The following TENM1 variants were observed in gnomAD, a reference collection of about 807,000 sequenced individuals.
TENM1 encodes teneurin transmembrane protein 1, also known as teneurin-1.
TENM1 carries 35 observed loss-of-function variants against 174.8 expected under a neutral mutation model. That is an observed-to-expected ratio of 0.20 (90% CI 0.15 to 0.27). TENM1 has a LOEUF of 0.27. TENM1 is among the 10% of genes least tolerant of loss of function. The probability of loss-of-function intolerance (pLI) is 1.00; values close to 1 mark genes in which losing one functional copy is unlikely to be tolerated. For synonymous variants in TENM1, 781 were observed against 798.7 expected, an observed-to-expected ratio of 0.98 and a Z score of 0.37; for missense variants, 1,633 against 2,130.1, an observed-to-expected ratio of 0.77 and a Z score of 4.59.
chrX:124,444,392 A>G (rs1417847855), intron 23 of TENM1, among the ~76,000 whole-genome samples: 1 of 112,064 alleles, frequency 8.9e-6, no homozygotes, highest in African/African-American at 3.2e-5. Flanking sequence ...ACATCACATC[A>G]TATGTCAAAT....
At position 124,825,325 on chromosome X, in the gene TENM1, T is replaced by A. The variant is rs180691875; in HGVS notation, c.535+68971A>T. ...CCCAGCACCACTCCCAGTTATTTTA[T>A]ATATATAATATATATATTTAGTAGA... On this transcript the variant is annotated intron_variant, in intron 3 of 31. Coordinates refer to ENST00000422452, the Ensembl canonical transcript of TENM1. Among the ~76,000 whole-genome samples, 66 of 105,401 alleles carry A rather than the reference T, an allele frequency of 6.3e-4. No individual in the cohort carries two copies. In the East Asian group the frequency reaches 0.019, roughly 30 times the overall value. 91.5% of individuals were successfully genotyped at this position (105,401 alleles called of 115,157 possible).
At chrX:125,032,137 C>T in the TENM1 span, among the ~76,000 whole-genome samples, 1 of 110,336 alleles carries the variant, frequency 9.1e-6, no homozygotes, top group Non-Finnish European at 1.9e-5. Context: ...AACTTCCTAA[C>T]TAGTCACCAG....
the TENM1 span, among the ~76,000 whole-genome samples, chrX:125,029,337 G>A: frequency 2.7e-5 from 3 of 111,826 alleles, no homozygotes; most frequent in African/African-American, 9.7e-5. Context: ...TCCCTATCTT[G>A]GAACCAGGTC....
intron 22 of TENM1, among the ~76,000 whole-genome samples, chrX:124,473,714 G>C (rs1272808684): frequency 1.8e-5 from 2 of 110,857 alleles, no homozygotes; most frequent in Non-Finnish European, 3.8e-5. Context: ...TCCATCTTCT[G>C]CTCCATTCCC....
At chrX:124,908,801 A>G (rs757078991) in intron 1 of TENM1, among the ~76,000 whole-genome samples, 5 of 111,088 alleles carry the variant, frequency 4.5e-5, no homozygotes, top group Non-Finnish European at 9.4e-5. Context: ...AAGCCCTGAA[A>G]CATATATTAT....
the TENM1 span, among the ~76,000 whole-genome samples, chrX:125,177,955 G>C: frequency 9.0e-6 from 1 of 111,639 alleles, no homozygotes. Context: ...ACTAAGGAAT[G>C]CATCTTATTT....
chrX:124,579,495 T>C (rs181717278), intron 11 of TENM1, among the ~76,000 whole-genome samples: 2 of 111,893 alleles, frequency 1.8e-5, no homozygotes, highest in Non-Finnish European at 3.8e-5. Flanking sequence ...TGACACCTTC[T>C]TCAGGCAACA....
intron 3 of TENM1, among the ~76,000 whole-genome samples, chrX:124,825,168 T>C (rs1361697098): frequency 1.1e-5 from 1 of 94,946 alleles, no homozygotes; most frequent in African/African-American, 4.0e-5. Context: ...CTTTTTTTTT[T>C]TTTTTTTTTT....
the TENM1 span, among the ~76,000 whole-genome samples, chrX:125,184,793 T>C: frequency 9.0e-6 from 1 of 111,385 alleles, no homozygotes; most frequent in African/African-American, 3.3e-5. Flanking sequence ...CTGCAAGATA[T>C]AGGTAGCAAA....
chrX:124,687,142 C>G (rs865846925), intron 5 of TENM1, among the ~76,000 whole-genome samples: 2 of 111,222 alleles, frequency 1.8e-5, no homozygotes, highest in Non-Finnish European at 3.8e-5. Flanking sequence ...CATATAGCCA[C>G]GACAATCCTA....
intron 4 of TENM1, among the ~76,000 whole-genome samples, chrX:124,716,934 C>T (rs905981681): frequency 1.8e-5 from 2 of 111,125 alleles, no homozygotes; most frequent in African/African-American, 6.6e-5. Flanking sequence ...GTTAAAGGCA[C>T]CTTTTTTTTT....
intron 22 of TENM1, among the ~76,000 whole-genome samples, chrX:124,476,378 G>C (rs935635263): frequency 8.9e-6 from 1 of 112,050 alleles, no homozygotes. Context: ...TTCCAATAAA[G>C]TTAAGATGAA....
intron 1 of TENM1, among the ~76,000 whole-genome samples, chrX:124,941,953 T>C (rs1040187800): frequency 1.8e-5 from 2 of 111,303 alleles, no homozygotes; most frequent in African/African-American, 6.5e-5. Context: ...GGTTTTCCTC[T>C]TATAAAACCA....
At chrX:124,525,988 T>C (rs1306145865) in intron 16 of TENM1, among the ~76,000 whole-genome samples, 1 of 112,174 alleles carries the variant, frequency 8.9e-6, no homozygotes, top group Non-Finnish European at 1.9e-5. Flanking sequence ...CTTTTGATTA[T>C]CTCCATGAGC....
chrX:124,586,548 A>G (rs2049519948), intron 11 of TENM1, among the ~76,000 whole-genome samples: 1 of 111,176 alleles, frequency 9.0e-6, no homozygotes, highest in African/African-American at 3.3e-5. Flanking sequence ...CAAAATAATA[A>G]GAGCTATCTA....
At chrX:124,611,592 C>T (rs960336287) in intron 11 of TENM1, among the ~76,000 whole-genome samples, 1 of 111,333 alleles carries the variant, frequency 9.0e-6, no homozygotes, top group Admixed American at 9.6e-5. Context: ...AAAGCCAGCA[C>T]ACCAAATAAG....
intron 20 of TENM1, among the ~76,000 whole-genome samples, chrX:124,496,470 T>G (rs1228526997): frequency 3.6e-5 from 4 of 111,976 alleles, no homozygotes; most frequent in Non-Finnish European, 5.6e-5. Flanking sequence ...CTAAACCATG[T>G]GAGAAAATTT....
At chrX:125,099,707 T>C in the TENM1 span, among the ~76,000 whole-genome samples, 1 of 111,467 alleles carries the variant, frequency 9.0e-6, no homozygotes, top group African/African-American at 3.3e-5. Flanking sequence ...TATCAGAAAC[T>C]TTTTAAAGGT....
chrX:124,805,576 G>A (rs137966222), intron 3 of TENM1, among the ~76,000 whole-genome samples: 1 of 112,976 alleles, frequency 8.9e-6, no homozygotes, highest in Non-Finnish European at 1.9e-5. Flanking sequence ...TGAACTCAAT[G>A]TGTGTCCCTG....
Sources: gnomAD v4.1 joint callset for allele counts (sites outside exome capture counted in the v4.1 genomes callset) on GRCh38, gnomAD v4.1.1 for gene constraint, MANE v1.5 for transcripts, NCBI Gene and HGNC (gene_info 2026-07-23, HGNC 2026-07-21) for gene names.